The following RARB variants were observed in gnomAD, a reference collection of about 807,000 sequenced individuals.
RARB encodes the protein retinoic acid receptor beta, also known as HBV-activated protein.
RARB carries 17 observed loss-of-function variants against 51.9 expected under a neutral mutation model. The ratio of observed to expected loss-of-function variants is 0.33; its 90% confidence interval spans 0.22 to 0.49. The LOEUF (loss-of-function observed/expected upper bound fraction) is 0.49, where lower values mean the gene tolerates loss of function less well. RARB is among the 20% of genes least tolerant of loss of function. The pLI, the probability that RARB is intolerant of heterozygous loss-of-function variation, is 0.99. For synonymous variants in RARB, 215 were observed against 195.4 expected (o/e 1.10, Z -0.84); for missense variants, 369 against 550.8 (o/e 0.67, Z 3.30).
chr3:25,421,446 G>T (rs539650424), intron 5 of RARB, among the ~76,000 whole-genome samples: 5 of 100,588 alleles, frequency 5.0e-5, no homozygotes, highest in Non-Finnish European at 9.0e-5. Context: ...CAGTCTTGCT[G>T]TGTTGTCTAG....
chr3:25,149,039 A>G (rs1471724315), intron 4 of RARB, among the ~76,000 whole-genome samples: 1 of 152,178 alleles, frequency 6.6e-6, no homozygotes, highest in Non-Finnish European at 1.5e-5. Context: ...CAGACTGGAA[A>G]CTTCCTAGCA....
intron 5 of RARB, among the ~76,000 whole-genome samples, chr3:25,291,256 G>C (rs1703778523): frequency 6.6e-6 from 1 of 152,156 alleles, no homozygotes; most frequent in South Asian, 2.1e-4. Context: ...CATTCTTGAA[G>C]ATCAGTTCGA....
At chr3:25,141,025 C>G (rs553972536) in intron 4 of RARB, among the ~76,000 whole-genome samples, 52 of 152,016 alleles carry the variant, frequency 3.4e-4, no homozygotes, top group African/African-American at 1.3e-3. Flanking sequence ...CCTGGGAAAC[C>G]AAAACATTTG....
chr3:24,967,887 TTGTAAC>T (rs1195689060), intron 2 of RARB, among the ~76,000 whole-genome samples: 1 of 152,126 alleles, frequency 6.6e-6, no homozygotes, highest in Admixed American at 6.5e-5. Context: ...CCAATTGTAA[TTGTAAC>T]TGTAAAAGGC....
chr3:25,478,545 C>G (rs1390635026), intron 2 of RARB, among the ~76,000 whole-genome samples: 5 of 152,184 alleles, frequency 3.3e-5, no homozygotes, highest in African/African-American at 4.8e-5. Flanking sequence ...CTTCAGGGGA[C>G]ACACTCACTC....
At chr3:25,546,085 A>C (rs537327162) in intron 3 of RARB, among the ~76,000 whole-genome samples, 3 of 152,214 alleles carry the variant, frequency 2.0e-5, no homozygotes, top group African/African-American at 7.2e-5. Context: ...GGGAACAGCC[A>C]GTGCAGAAGC....
At chr3:25,258,762 A>G (rs1423576337) in intron 5 of RARB, among the ~76,000 whole-genome samples, 1 of 152,060 alleles carries the variant, frequency 6.6e-6, no homozygotes, top group East Asian at 1.9e-4. Flanking sequence ...AACACAGGAG[A>G]AGCAGAAGGT....
At chr3:25,393,895 G>A (rs1206616820) in intron 5 of RARB, among the ~76,000 whole-genome samples, 1 of 151,302 alleles carries the variant, frequency 6.6e-6, no homozygotes, top group Non-Finnish European at 1.5e-5. Context: ...GTATTTTTTT[G>A]TTGTTTCAAT....
At chr3:25,109,720 G>T (rs935576398) in intron 3 of RARB, among the ~76,000 whole-genome samples, 1 of 152,122 alleles carries the variant, frequency 6.6e-6, no homozygotes, top group Non-Finnish European at 1.5e-5. Context: ...AAGCAGGTTT[G>T]CTTCCCTTTC....
At chr3:25,513,860 GA>G (rs1260812384) in intron 3 of RARB, among the ~76,000 whole-genome samples, 2 of 151,930 alleles carry the variant, frequency 1.3e-5, no homozygotes, top group Non-Finnish European at 2.9e-5. Flanking sequence ...AACCCTGTAA[GA>G]AAAAAGGAAG....
intron 5 of RARB, among the ~76,000 whole-genome samples, chr3:25,177,406 A>G (rs1309431552): frequency 2.0e-5 from 3 of 152,320 alleles, no homozygotes; most frequent in Admixed American, 6.5e-5. Context: ...AAGCTGACCA[A>G]CGTGGAATAA....
Position 25,538,461 on chromosome 3 carries a change from G to A in RARB, c.449-31297G>A, listed in dbSNP as rs114958234. Among the ~76,000 whole-genome samples, 1,317 of 152,168 alleles carry A rather than the reference G, an allele frequency of 8.7e-3. 11 individuals are homozygous for A. Among genetic ancestry groups the A allele is most frequent in the Non-Finnish European group, 0.012 (846 of 68,018 alleles). ...AAAATGTATTAAGATATAGAATTAC[G>A]TTCATAATAATATTCTTCAACAGTT... On this transcript the variant is annotated intron_variant, in intron 3 of 7. Coordinates refer to ENST00000330688, the MANE Select transcript of RARB (RefSeq NM_000965.5).
intron 2 of RARB, among the ~76,000 whole-genome samples, chr3:24,895,027 G>A (rs1703450532): frequency 6.6e-6 from 1 of 152,176 alleles, no homozygotes; most frequent in African/African-American, 2.4e-5. Context: ...GATTTACTAA[G>A]TTATATAGGA....
intron 3 of RARB, among the ~76,000 whole-genome samples, chr3:25,531,388 GTAGATAGATAGATAGATAGA>G (rs142863604): frequency 2.8e-5 from 4 of 145,452 alleles, no homozygotes; most frequent in Admixed American, 6.8e-5. Context: ...AGATAGATAG[GTAGATAGATAGATAGATAGA>G]TAGATAGATA....
At chr3:25,364,592 G>A (rs552872558) in intron 5 of RARB, among the ~76,000 whole-genome samples, 76 of 152,314 alleles carry the variant, frequency 5.0e-4, no homozygotes, top group African/African-American at 1.8e-3. Context: ...GATTCAGCAG[G>A]AACTATTTGG....
At chr3:25,430,644 G>C (rs531716694) in intron 1 of RARB, among the ~76,000 whole-genome samples, 11 of 152,320 alleles carry the variant, frequency 7.2e-5, no homozygotes, top group African/African-American at 2.2e-4. Context: ...TAGGGAGAGC[G>C]AGCGGTGAAT....
At chr3:24,959,595 T>A (rs1696095188) in intron 2 of RARB, among the ~76,000 whole-genome samples, 1 of 152,216 alleles carries the variant, frequency 6.6e-6, no homozygotes, top group South Asian at 2.1e-4. Context: ...CACATGGGGC[T>A]GAGGTTCCAG....
intron 4 of RARB, among the ~76,000 whole-genome samples, chr3:25,133,293 G>A (rs1027013159): frequency 1.3e-5 from 2 of 151,868 alleles, no homozygotes; most frequent in African/African-American, 4.8e-5. Context: ...TTCCCTAAGA[G>A]TAGCATTCTT....
chr3:25,488,128 A>G (rs1406598311), intron 2 of RARB, among the ~76,000 whole-genome samples: 1 of 152,244 alleles, frequency 6.6e-6, no homozygotes, highest in Non-Finnish European at 1.5e-5. Flanking sequence ...AAAACTGCTA[A>G]GCTGTTAACA....
Sources: allele counts gnomAD v4.1 joint callset (sites outside exome capture counted in the v4.1 genomes callset), GRCh38; gene constraint gnomAD v4.1.1; transcripts MANE v1.5; gene names NCBI Gene and HGNC (gene_info 2026-07-23, HGNC 2026-07-21).